NRXN3: variants seen among roughly 807,000 people sequenced by gnomAD.
NRXN3 encodes the protein neurexin III.
Under a neutral mutation model 137.6 loss-of-function variants are expected in NRXN3, and 32 were observed. The ratio of observed to expected loss-of-function variants is 0.23; its 90% CI spans 0.18 to 0.31. The LOEUF is 0.31. Among genes scored for constraint, NRXN3 ranks in the 10% least tolerant of loss-of-function variants. The probability of loss-of-function intolerance (pLI) is 1.00; values close to 1 mark genes in which losing one functional copy is unlikely to be tolerated. For synonymous variants in NRXN3, 798 were observed against 784.5 expected, an observed-to-expected ratio of 1.02 and a Z score of -0.29; for missense variants, 1,574 against 2,062.5, an observed-to-expected ratio of 0.76 and a Z score of 4.59.
At chr14:78,519,814 T>G (rs1157558253) in intron 4 of NRXN3, among the ~76,000 whole-genome samples, 1 of 152,138 alleles carries the variant, frequency 6.6e-6, no homozygotes, top group Non-Finnish European at 1.5e-5. Flanking sequence ...CCCACATGTA[T>G]GAAGACACAG....
chr14:79,364,734 A>C (rs2093815759), intron 15 of NRXN3, among the ~76,000 whole-genome samples: 1 of 152,216 alleles, frequency 6.6e-6, no homozygotes, highest in Non-Finnish European at 1.5e-5. Flanking sequence ...ATATAAGTTG[A>C]ACATCTCATT....
chr14:79,263,956 CT>C (rs2078034887), intron 15 of NRXN3, among the ~76,000 whole-genome samples: 2 of 152,316 alleles, frequency 1.3e-5, no homozygotes, highest in South Asian at 4.1e-4. Flanking sequence ...AAGATTCTCT[CT>C]GGATCTGAAT....
chr14:78,670,766 A>G (rs1051168393), intron 6 of NRXN3, among the ~76,000 whole-genome samples: 5 of 152,180 alleles, frequency 3.3e-5, no homozygotes, highest in Non-Finnish European at 7.3e-5. Flanking sequence ...GGTAATGAGT[A>G]AGATTTATTA....
chr14:79,543,442 C>T (rs984205586), intron 16 of NRXN3, among the ~76,000 whole-genome samples: 1 of 152,116 alleles, frequency 6.6e-6, no homozygotes, highest in Non-Finnish European at 1.5e-5. Context: ...TGCTTAGAGT[C>T]CCCTGACAGA....
intron 6 of NRXN3, among the ~76,000 whole-genome samples, chr14:78,653,035 T>G (rs1167202318): frequency 6.6e-6 from 1 of 152,206 alleles, no homozygotes; most frequent in Non-Finnish European, 1.5e-5. Context: ...TAATAAATCA[T>G]GTGCGAATTG....
chr14:79,216,619 C>G (rs1359057682), intron 15 of NRXN3, among the ~76,000 whole-genome samples: 1 of 152,128 alleles, frequency 6.6e-6, no homozygotes, highest in Non-Finnish European at 1.5e-5. Context: ...CTTTATCTTG[C>G]TAATGTAAGA....
At position 78,532,005 on chromosome 14, in the gene NRXN3, T is replaced by C. The variant is rs1208732521; in HGVS notation, c.758-113115T>C. On this transcript the variant is annotated intron_variant, in intron 4 of 20. Coordinates refer to ENST00000335750, the MANE Select transcript of NRXN3 (RefSeq NM_001330195.2). ...AAGTTTTATTGGAGAACCTTATTCC[T>C]GCTTCATGGAGAAAACTGGCTAGGC... is the stretch of plus-strand genomic sequence containing the variant. Among the ~76,000 whole-genome samples the C allele has an allele frequency of 2.0e-5, 3 of 152,122 alleles. No individual in the cohort carries two copies. In the East Asian group the frequency reaches 5.8e-4, roughly 29 times the overall value.
At chr14:79,151,883 T>C (rs1242663035) in intron 15 of NRXN3, among the ~76,000 whole-genome samples, 3 of 152,100 alleles carry the variant, frequency 2.0e-5, no homozygotes, top group African/African-American at 7.2e-5. Context: ...ATACTTTATT[T>C]TCTTTTAAAA....
intron 10 of NRXN3, among the ~76,000 whole-genome samples, chr14:78,934,967 A>G (rs554501544): frequency 6.6e-6 from 1 of 152,014 alleles, no homozygotes; most frequent in Admixed American, 6.6e-5. Flanking sequence ...TAATAATAAT[A>G]ATAATAATAA....
chr14:79,595,632 A>T (rs2153827056), intron 16 of NRXN3, among the ~76,000 whole-genome samples: 1 of 152,334 alleles, frequency 6.6e-6, no homozygotes, highest in South Asian at 2.1e-4. Flanking sequence ...ATTGAGTTTC[A>T]GTGTGCTGTT....
At chr14:78,936,716 C>T (rs1182392020) in intron 10 of NRXN3, among the ~76,000 whole-genome samples, 1 of 152,198 alleles carries the variant, frequency 6.6e-6, no homozygotes, top group Non-Finnish European at 1.5e-5. Flanking sequence ...ACATGGAAAA[C>T]ATTCAGCATC....
intron 15 of NRXN3, among the ~76,000 whole-genome samples, chr14:79,416,977 C>T (rs2095506052): frequency 6.6e-6 from 1 of 152,086 alleles, no homozygotes; most frequent in African/African-American, 2.4e-5. Context: ...TATAATATTT[C>T]CTGCTCAGTC....
intron 13 of NRXN3, among the ~76,000 whole-genome samples, 182 bp downstream of exon 13, chr14:78,967,580 C>T (rs960225341): frequency 2.6e-5 from 4 of 152,070 alleles, no homozygotes; most frequent in Non-Finnish European, 4.4e-5. Flanking sequence ...GACTACTCAT[C>T]AAGAAATGGT....
chr14:78,700,925 C>A (rs535803738), intron 6 of NRXN3, among the ~76,000 whole-genome samples: 1 of 152,242 alleles, frequency 6.6e-6, no homozygotes, highest in East Asian at 1.9e-4. Context: ...GCATCCACCA[C>A]CATGCCTGGC....
At chr14:78,418,564 C>T (rs1008704196) in intron 4 of NRXN3, among the ~76,000 whole-genome samples, 20 of 152,144 alleles carry the variant, frequency 1.3e-4, no homozygotes, top group African/African-American at 3.6e-4. Flanking sequence ...CAAGAAACTC[C>T]ATGCAGCTTG....
intron 4 of NRXN3, among the ~76,000 whole-genome samples, chr14:78,409,523 T>C (rs2092700899): frequency 6.6e-6 from 1 of 152,206 alleles, no homozygotes; most frequent in South Asian, 2.1e-4. Context: ...ATTATCTCTC[T>C]CTCGTTCAAT....
intron 15 of NRXN3, among the ~76,000 whole-genome samples, chr14:79,365,052 G>T (rs777389703): frequency 6.6e-6 from 1 of 152,008 alleles, no homozygotes; most frequent in Non-Finnish European, 1.5e-5. Flanking sequence ...TTTTGGTTTC[G>T]TCTCATAAAA....
At chr14:78,846,116 C>T (rs2099026235) in intron 10 of NRXN3, among the ~76,000 whole-genome samples, 1 of 152,056 alleles carries the variant, frequency 6.6e-6, no homozygotes, top group South Asian at 2.1e-4. Context: ...CCTATCTGCT[C>T]ATCATTTTCA....
At chr14:79,715,466 T>C (rs1263302428) in intron 19 of NRXN3, among the ~76,000 whole-genome samples, 1 of 152,158 alleles carries the variant, frequency 6.6e-6, no homozygotes, top group Non-Finnish European at 1.5e-5. Context: ...GAGGTGGCAT[T>C]TGAAAAGCCA....
Sources: gnomAD v4.1 joint callset for allele counts (sites outside exome capture counted in the v4.1 genomes callset) on GRCh38, gnomAD v4.1.1 for gene constraint, MANE v1.5 for transcripts, NCBI Gene and HGNC (gene_info 2026-07-23, HGNC 2026-07-21) for gene names.